The following CSE1L variants were observed in gnomAD, a reference collection of about 807,000 sequenced individuals.
The protein encoded by CSE1L is exportin-2.
Under a neutral mutation model 120.4 loss-of-function variants are expected in CSE1L, and 24 were observed. The ratio of observed to expected loss-of-function variants is 0.20; its 90% confidence interval spans 0.14 to 0.28. The LOEUF (loss-of-function observed/expected upper bound fraction) is 0.28. Among genes scored for constraint, CSE1L ranks in the 10% least tolerant of loss-of-function variants. CSE1L has a pLI of 1.00. For missense variants in CSE1L, 830 were observed against 1,145.2 expected, an observed-to-expected ratio of 0.72 and a Z score of 3.97; for synonymous variants, 402 against 398.3, an observed-to-expected ratio of 1.01 and a Z score of -0.11.
At chr20:49,048,165 G>A (rs1234914654) in intron 1 of CSE1L, among the ~76,000 whole-genome samples, 1 of 43,372 alleles carries the variant, frequency 2.3e-5, no homozygotes, top group African/African-American at 1.0e-4. Flanking sequence ...TTTTTTTTTT[G>A]ACATGCTTTC....
At chr20:49,074,697 G>A in intron 10 of CSE1L, 88 bp from the exon 11 acceptor site, 2 of 997,700 alleles carry the variant, frequency 2.0e-6, no homozygotes, top group Middle Eastern at 2.1e-4. Flanking sequence ...GTAGAACAAG[G>A]CAGTTTTACA....
chr20:49,061,377 T>G (rs939196903), intron 2 of CSE1L, among the ~76,000 whole-genome samples: 3 of 151,372 alleles, frequency 2.0e-5, no homozygotes, highest in Non-Finnish European at 4.4e-5. Context: ...TTTCACCGTG[T>G]TAGCCAGGAT....
chr20:49,057,311 A>G (rs1008400194), intron 1 of CSE1L, among the ~76,000 whole-genome samples: 22 of 152,192 alleles, frequency 1.4e-4, no homozygotes, highest in African/African-American at 5.3e-4. Flanking sequence ...TCTAGAATTT[A>G]TCTCCCTAGA....
At chr20:49,064,166 T>C (rs932291807) in intron 3 of CSE1L, among the ~76,000 whole-genome samples, 1 of 152,194 alleles carries the variant, frequency 6.6e-6, no homozygotes, top group African/African-American at 2.4e-5. Context: ...CAAAGAATTA[T>C]CTGAGCCAAA....
Position 49,066,175 on chromosome 20 carries a change from T to G in CSE1L, c.229-17T>G. On this transcript the variant is annotated splice_polypyrimidine_tract_variant and intron_variant, in intron 3 of 24. Transcript: ENST00000262982. ...GTGGATTTTGTGTTACTTCCTCAGT[T>G]ACTGCTTTGCTTTTAGGTTGAAGAT... The G allele has an allele frequency of 6.2e-7, 1 of 1,609,118 alleles. No homozygotes were observed. The highest frequency in any genetic ancestry group is 8.5e-7 in the Non-Finnish European group (1 of 1,175,820).
At chr20:49,072,201 G>C (rs1568774055) in intron 8 of CSE1L, 85 bp from the exon 9 acceptor site, 1 of 1,391,290 alleles carries the variant, frequency 7.2e-7, no homozygotes, top group Non-Finnish European at 1.0e-6. Context: ...TTGATAAAGA[G>C]TCTAGTTCAG....
chr20:49,055,886 GT>G (rs997556938), intron 1 of CSE1L, among the ~76,000 whole-genome samples: 5 of 150,786 alleles, frequency 3.3e-5, no homozygotes, highest in African/African-American at 7.3e-5. Context: ...TATATGTGAA[GT>G]TTTTTTTCAT....
At position 49,089,715 on chromosome 20, in the gene CSE1L, A is replaced by C; in HGVS notation, c.2150A>C (p.Asn717Thr). Residue 717 changes from asparagine to threonine, a missense_variant, in exon 19 of 25, where the codon AAC becomes ACC. Asn to Thr is a moderately conservative substitution (Grantham distance 65). Around this residue, in one of 4 missense-constraint regions of CSE1L, gnomAD observed 168 missense variants for 267.9 expected, o/e 0.63. Coordinates refer to ENST00000262982, the MANE Select transcript of CSE1L (RefSeq NM_001316.4). The part of the protein sequence containing the change: ...LLQAFLERGS[N>T]TIASAAADKI... Reference sequence around the variant, plus strand: ...CAAGCATTCTTAGAACGCGGTTCAAACACAATAGCAAGTGCTGCAGCTGAC... The same window carrying C: ...CAAGCATTCTTAGAACGCGGTTCAACCACAATAGCAAGTGCTGCAGCTGAC... The C allele has an allele frequency of 6.2e-7, 1 of 1,614,210 alleles. No homozygotes were observed. The highest frequency in any genetic ancestry group is 8.5e-7 in the Non-Finnish European group (1 of 1,180,008).
intron 2 of CSE1L, 33 bp from the exon 3 acceptor site, chr20:49,063,169 T>C (rs758027401): frequency 7.0e-7 from 1 of 1,434,908 alleles, no homozygotes; most frequent in South Asian, 1.3e-5. Flanking sequence ...AAGATTTTTA[T>C]CTTAGTCTTT....
intron 21 of CSE1L, 63 bp downstream of exon 21, chr20:49,091,085 C>A: frequency 9.1e-7 from 1 of 1,100,254 alleles, no homozygotes; most frequent in East Asian, 2.4e-5. Flanking sequence ...AACCCTTAGA[C>A]TTTATGGTTG....
At chr20:49,095,488 A>AT (rs2092132757) in intron 24 of CSE1L, among the ~76,000 whole-genome samples, 1 of 151,564 alleles carries the variant, frequency 6.6e-6, no homozygotes, top group Non-Finnish European at 1.5e-5. Context: ...CTAATTTTTT[A>AT]TTTTTTTGTG....
In CSE1L at chr20:49,074,668, T is replaced by C. The variant is rs989508663; in HGVS notation, c.1067-117T>C. 4.4e-6 allele frequency: 3 copies of C among 686,988 alleles called. No individual in the cohort carries two copies. In the Admixed American group the frequency reaches 9.5e-5, roughly 22 times the overall value. 42.6% of individuals were successfully genotyped at this position (686,988 alleles called of 1,614,324 possible). A position where few individuals can be genotyped will look rare whatever the true frequency, so the allele number is the denominator to read the frequency against. ...AAGAGTATATGAAGTAGTCATCTGA[T>C]GGGAACGAATTCTTTGCTGTAGAAC... On this transcript the variant is annotated intron_variant, in intron 10 of 24. Transcript: ENST00000262982.
rs747468949 is a variant in CSE1L at position 49,089,291 on chromosome 20, A to G, written c.1866A>G (p.Ile622Met). ...PHFNHYMFEA[I>M]CLSIRITCKA... ...TTAATCACTACATGTTTGAAGCAAT[A>G]TGTTTATCCATAAGAATAACTTGCA... Residue 622 changes from isoleucine (I) to methionine (M), a missense_variant, in exon 18 of 25, where the codon ATA becomes ATG. Ile to Met is a conservative substitution (Grantham distance 10, BLOSUM62 1). Around this residue, in one of 4 missense-constraint regions of CSE1L, gnomAD observed 168 missense variants for 267.9 expected, o/e 0.63. Transcript: ENST00000262982. The G allele has an allele frequency of 3.1e-6, 5 of 1,609,780 alleles. No individual in the cohort carries two copies. Among genetic ancestry groups the G allele is most frequent in the Admixed American group, 1.7e-5 (1 of 58,976 alleles).
chr20:49,089,630 C>T lies in CSE1L; in HGVS notation c.2065C>T (p.Leu689Phe). Residue 689 changes from leucine to phenylalanine, a missense_variant, in exon 19 of 25, where the codon CTC (leucine) becomes TTC (phenylalanine). Physicochemically the swap from Leu to Phe is conservative, Grantham distance 22. Coordinates refer to ENST00000262982, the MANE Select transcript of CSE1L (RefSeq NM_001316.4). Reference protein sequence around the residue: ...PSSYMALFPHLLQPVLWERTG... With the variant: ...PSSYMALFPHFLQPVLWERTG... ...TTCCTATATGGCCTTATTTCCTCAT[C>T]TCCTTCAGCCAGTGCTTTGGGAAAG... is the stretch of plus-strand genomic sequence containing the variant. The T allele has an allele frequency of 6.2e-7, 1 of 1,614,160 alleles. No individual in the cohort carries two copies. The highest frequency in any genetic ancestry group is 8.5e-7 in the Non-Finnish European group (1 of 1,180,008).
rs1031930484 is a variant in CSE1L at position 49,089,506 on chromosome 20, G to T, written c.1973-32G>T. The T allele has an allele frequency of 1.9e-6, 3 of 1,610,726 alleles. No homozygotes were observed. In the African/African-American group the frequency reaches 4.0e-5, roughly 21 times the overall value. ...TTTTGTGTCAGTCATTCCTTCTGAA[G>T]CTCACAGCTCTGTTTTTACTTTTAT... On this transcript the variant is annotated intron_variant, in intron 18 of 24. Transcript: ENST00000262982.
At chr20:49,071,829 G>A (rs942659514) in intron 8 of CSE1L, among the ~76,000 whole-genome samples, 14 of 151,994 alleles carry the variant, frequency 9.2e-5, no homozygotes, top group African/African-American at 2.7e-4. Context: ...TTAGCCGGGC[G>A]TGATGGCGGG....
intron 1 of CSE1L, among the ~76,000 whole-genome samples, chr20:49,047,559 C>CTTTTTTTT (rs1568757225): frequency 4.9e-5 from 3 of 61,096 alleles, no homozygotes; most frequent in South Asian, 4.8e-4. Flanking sequence ...TTTCTTTTCT[C>CTTTTTTTT]TTTTCTTTTT....
chr20:49,078,883 G>C (rs76000957), intron 14 of CSE1L, among the ~76,000 whole-genome samples: 2,612 of 152,226 alleles, frequency 0.017, 30 homozygotes, highest in Non-Finnish European at 0.026. Context: ...TTACAATAGA[G>C]AGGTCCTTCT....
chr20:49,093,665 C>T (rs2092118430), intron 22 of CSE1L, among the ~76,000 whole-genome samples: 2 of 148,716 alleles, frequency 1.3e-5, no homozygotes, highest in South Asian at 4.2e-4. Flanking sequence ...GCCTGTAATC[C>T]TAGCACTTTG....
Sources: allele counts gnomAD v4.1 joint callset (sites outside exome capture counted in the v4.1 genomes callset), GRCh38; gene constraint gnomAD v4.1.1; regional missense constraint gnomAD v4.1.1; transcripts MANE v1.5; gene names NCBI Gene and HGNC (gene_info 2026-07-23, HGNC 2026-07-21).